Variants in PRR33 observed in about 807,000 individuals in gnomAD.
PRR33 encodes proline rich 33, also known as proline-rich protein 33.
PRR33 carries 1 observed loss-of-function variant against 0.5 expected under a neutral mutation model. The ratio of observed to expected loss-of-function variants is 2.18; its 90% CI spans 0.77 to 10.34. PRR33 has a LOEUF of 10.34. PRR33 is among the 30% of genes most tolerant of loss of function. The pLI is 0.13. For synonymous variants in PRR33, 226 were observed against 110.0 expected (o/e 2.06, Z -6.60); for missense variants, 552 against 251.8 (o/e 2.19, Z -8.07).
the PRR33 span, among the ~76,000 whole-genome samples, chr11:1,911,924 G>A: frequency 6.6e-6 from 1 of 150,460 alleles, no homozygotes; most frequent in Non-Finnish European, 1.5e-5. Context: ...ACTTTGGGAG[G>A]CCGAGCTGGG....
At chr11:1,913,596 C>G in the PRR33 span, among the ~76,000 whole-genome samples, 1 of 152,212 alleles carries the variant, frequency 6.6e-6, no homozygotes, top group Admixed American at 6.5e-5. Flanking sequence ...CTGAGCTATT[C>G]AGGTGTGTTT....
At chr11:1,896,588 T>C (rs1439772279), upstream of PRR33, among the ~76,000 whole-genome samples, 2 of 152,216 alleles carry the variant, frequency 1.3e-5, no homozygotes, top group East Asian at 1.9e-4. Context: ...TATCTGTAGA[T>C]AAGATTGTTT....
the PRR33 span, among the ~76,000 whole-genome samples, chr11:1,914,755 G>T: frequency 6.9e-6 from 1 of 145,618 alleles, no homozygotes; most frequent in Non-Finnish European, 1.5e-5. Context: ...ACACACCTGG[G>T]ATGTTTCTGT....
upstream of PRR33, among the ~76,000 whole-genome samples, chr11:1,895,604 T>C (rs1471391245): frequency 6.6e-6 from 1 of 152,228 alleles, no homozygotes; most frequent in African/African-American, 2.4e-5. Context: ...TGGTATCATG[T>C]CTGAGAAATC....
chr11:1,906,637 G>A, the PRR33 span, among the ~76,000 whole-genome samples: 2 of 152,154 alleles, frequency 1.3e-5, no homozygotes, highest in Non-Finnish European at 2.9e-5. Flanking sequence ...GGAATAGTGT[G>A]GGCTAACTAT....
At chr11:1,890,960 T>A in exon 1 of PRR33, 1 of 202,622 alleles carries the variant, frequency 4.9e-6, no homozygotes, top group East Asian at 1.1e-4. Flanking sequence ...GAGACGCGGG[T>A]GAGCCCCAAG....
chr11:1,900,050 C>CAT, the PRR33 span, among the ~76,000 whole-genome samples: 1 of 150,374 alleles, frequency 6.7e-6, no homozygotes, highest in East Asian at 1.9e-4. Flanking sequence ...ATTATATATA[C>CAT]ATATATATAT....
the PRR33 span, among the ~76,000 whole-genome samples, chr11:1,909,587 G>A: frequency 3.8e-4 from 58 of 152,180 alleles, 1 homozygote; most frequent in Non-Finnish European, 7.4e-4. Flanking sequence ...CCAGCTCGGC[G>A]ACAGAACAAG....
exon 1 of PRR33, chr11:1,889,649 A>G: frequency 1.6e-6 from 1 of 622,874 alleles, no homozygotes; most frequent in South Asian, 1.9e-5. Flanking sequence ...AGGCCCAGGC[A>G]GGGCTGGACA....
chr11:1,916,863 C>A, the PRR33 span, among the ~76,000 whole-genome samples: 1 of 152,218 alleles, frequency 6.6e-6, no homozygotes, highest in African/African-American at 2.4e-5. Flanking sequence ...AGGCCATGCC[C>A]AATGCGGAGG....
At chr11:1,892,534 C>T (rs943421589), upstream of PRR33, among the ~76,000 whole-genome samples, 2 of 152,262 alleles carry the variant, frequency 1.3e-5, no homozygotes, top group African/African-American at 4.8e-5. Flanking sequence ...CCAATATAAA[C>T]TTCTGTGCCT....
chr11:1,912,496 T>G, the PRR33 span, among the ~76,000 whole-genome samples: 1 of 152,248 alleles, frequency 6.6e-6, no homozygotes, highest in Admixed American at 6.5e-5. Context: ...CCTTCGTCAT[T>G]ACGTTCCTCT....
the PRR33 span, among the ~76,000 whole-genome samples, chr11:1,897,113 G>C: frequency 4.6e-5 from 7 of 152,194 alleles, no homozygotes; most frequent in South Asian, 2.1e-4. This position sits in a 1 kb window ranked among gnomAD's most constrained non-coding sequence, Gnocchi z 4.0. Flanking sequence ...AACACGGTTG[G>C]AATGGCCGGC....
chr11:1,894,372 C>T (rs1027709324), upstream of PRR33, among the ~76,000 whole-genome samples: 27 of 152,038 alleles, frequency 1.8e-4, no homozygotes, highest in Non-Finnish European at 3.8e-4. Context: ...TAGCTGGGAC[C>T]GCAGGTGCCC....
the PRR33 span, among the ~76,000 whole-genome samples, chr11:1,915,411 A>G: frequency 3.3e-5 from 4 of 120,134 alleles, no homozygotes; most frequent in African/African-American, 9.8e-5. Flanking sequence ...CTGTGTGTGT[A>G]TGTTGTGCGG....
At chr11:1,893,123 T>C (rs571852106), upstream of PRR33, among the ~76,000 whole-genome samples, 18 of 115,308 alleles carry the variant, frequency 1.6e-4, no homozygotes, top group African/African-American at 5.5e-4. Context: ...GAATAGGGGA[T>C]GGATGAATGG....
At chr11:1,891,097 T>G in exon 1 of PRR33, 1 of 157,072 alleles carries the variant, frequency 6.4e-6, no homozygotes. Context: ...GAGCCAGCGG[T>G]GAGGGGTGGC....
exon 1 of PRR33, chr11:1,891,836 G>C (rs1375634778): frequency 2.0e-5 from 3 of 152,538 alleles, no homozygotes; most frequent in Non-Finnish European, 4.4e-5. Flanking sequence ...ATTCCAGCCA[G>C]ACACCCGCCC....
upstream of PRR33, among the ~76,000 whole-genome samples, chr11:1,893,637 T>C (rs937842939): frequency 6.7e-6 from 1 of 148,738 alleles, no homozygotes; most frequent in African/African-American, 2.5e-5. Flanking sequence ...GATGGATGGA[T>C]GGAAGGAGCG....
Sources: gnomAD v4.1 joint callset for allele counts (sites outside exome capture counted in the v4.1 genomes callset) on GRCh38, gnomAD v4.1.1 for gene constraint, Gnocchi (gnomAD v3.1) non-coding constraint, MANE v1.5 for transcripts, NCBI Gene and HGNC (gene_info 2026-07-23, HGNC 2026-07-21) for gene names.